Variants in RAD18 observed in about 807,000 individuals in gnomAD.
RAD18 encodes the protein E3 ubiquitin-protein ligase RAD18.
A neutral mutation model predicts 60.4 loss-of-function variants in RAD18; 47 were observed. The observed-to-expected ratio is 0.78, with a 90% CI of 0.62 to 0.99. RAD18 has a LOEUF of 0.99. Ranked by LOEUF, RAD18 falls within the 50% of genes least tolerant of loss-of-function variation. The pLI, the probability that RAD18 is intolerant of heterozygous loss-of-function variation, is 0.00. For missense variants in RAD18, 640 were observed against 593.3 expected, an observed-to-expected ratio of 1.08 and a Z score of -0.82; for synonymous variants, 225 against 195.5, an observed-to-expected ratio of 1.15 and a Z score of -1.26.
intron 11 of RAD18, among the ~76,000 whole-genome samples, chr3:8,895,704 A>G (rs1939771748): frequency 6.6e-6 from 1 of 152,230 alleles, no homozygotes; most frequent in South Asian, 2.1e-4. Context: ...AAATGACATA[A>G]AAGATGTATA....
chr3:8,911,407 T>C (rs1383970088), intron 9 of RAD18, among the ~76,000 whole-genome samples: 1 of 152,236 alleles, frequency 6.6e-6, no homozygotes, highest in Non-Finnish European at 1.5e-5. Context: ...CATTTGATAT[T>C]CTCTTTTGTT....
chr3:8,896,842 G>A (rs1024679090), intron 11 of RAD18, among the ~76,000 whole-genome samples: 7 of 152,108 alleles, frequency 4.6e-5, no homozygotes, highest in Admixed American at 1.3e-4. Context: ...GAAGAAAAGG[G>A]TTAGGAAACA....
intron 12 of RAD18, among the ~76,000 whole-genome samples, chr3:8,887,851 G>A (rs546544541): frequency 1.3e-5 from 2 of 152,260 alleles, no homozygotes; most frequent in East Asian, 1.9e-4. Context: ...CATAAGGAGA[G>A]GCTGGTCAAT....
rs1294786364 is a variant in RAD18 at position 8,877,238 on chromosome 3, G to C, written c.*4119C>G. Reference sequence around the variant, plus strand: ...TTATTTCTCACAGGTATGGAGGCTGGTAAGTCCAAGATCAAGGCACTGGCA... The same window carrying C: ...TTATTTCTCACAGGTATGGAGGCTGCTAAGTCCAAGATCAAGGCACTGGCA... On this transcript the variant is annotated 3_prime_UTR_variant, in exon 13 of 13. Transcript: ENST00000264926. 6.5e-6 allele frequency: 1 copy of C among 154,204 alleles called. No individual in the cohort carries two copies. Among genetic ancestry groups the C allele is most frequent in the Non-Finnish European group, 1.4e-5 (1 of 69,126 alleles). 9.6% of individuals were successfully genotyped at this position (154,204 alleles called of 1,614,324 possible).
rs753512385 is a variant in RAD18 at position 8,898,882 on chromosome 3, C to T, written c.1322+12G>A. On this transcript the variant is annotated intron_variant, in intron 11 of 12. Coordinates refer to ENST00000264926, the MANE Select transcript of RAD18 (RefSeq NM_020165.4). ...AGATATTTAAAATAATCAACTACTG[C>T]ATGTTTCTTACCTATTGCATGAATC... The T allele has an allele frequency of 1.9e-6, 3 of 1,545,140 alleles. No homozygotes were observed. The highest frequency in any genetic ancestry group is 2.6e-6 in the Non-Finnish European group (3 of 1,138,620).
intron 7 of RAD18, among the ~76,000 whole-genome samples, chr3:8,920,157 T>C (rs1046201571): frequency 2.6e-5 from 4 of 151,646 alleles, no homozygotes; most frequent in Admixed American, 2.6e-4. Flanking sequence ...CATGCGCCTG[T>C]AGTCCCAGCT....
At chr3:8,924,140 C>A (rs201783534) in intron 7 of RAD18, among the ~76,000 whole-genome samples, 18,132 of 152,114 alleles carry the variant, frequency 0.12, 1,221 homozygotes, top group East Asian at 0.23. Flanking sequence ...AGTCAAGACC[C>A]ATCAGTGTGC....
chr3:8,936,019 T>A lies in RAD18; in HGVS notation c.741A>T (p.Val247=). 1 of 1,607,754 alleles carries A rather than the reference T, an allele frequency of 6.2e-7. No individual in the cohort carries two copies. The highest frequency in any genetic ancestry group is 1.3e-5 in the African/African-American group (1 of 74,556). The change falls in exon 7 of 13, where the codon GTA becomes GTT. Residue 247 remains valine, a synonymous_variant. Coordinates refer to ENST00000264926, the MANE Select transcript of RAD18 (RefSeq NM_020165.4). ...VHKRKPLPKT[V]YNLLSDRDLK... is the part of the protein sequence containing the mutation. ...AATCACGATCAGAGAGCAAATTATA[T>A]ACAGTTTTGGGCAGCGGCTTCCTTT...
At chr3:8,925,766 T>A (rs1940422157) in intron 7 of RAD18, among the ~76,000 whole-genome samples, 2 of 152,098 alleles carry the variant, frequency 1.3e-5, no homozygotes, top group Admixed American at 1.3e-4. Context: ...CATATGCAAA[T>A]CAATAAATGT....
chr3:8,883,746 A>T (rs866330359), intron 12 of RAD18, among the ~76,000 whole-genome samples: 8 of 152,252 alleles, frequency 5.3e-5, no homozygotes, highest in Middle Eastern at 3.4e-3. Context: ...GGAATATTTT[A>T]TAGCTGTTCA....
intron 7 of RAD18, 119 bp downstream of exon 7, chr3:8,935,752 A>C (rs769111198): frequency 1.1e-5 from 11 of 956,532 alleles, no homozygotes; most frequent in Non-Finnish European, 1.6e-5. Context: ...ACACATTTGC[A>C]CGTCTTATCT....
chr3:8,901,649 G>A (rs1939915021), intron 10 of RAD18, among the ~76,000 whole-genome samples: 3 of 152,294 alleles, frequency 2.0e-5, no homozygotes, highest in Admixed American at 6.5e-5. Context: ...ATGAGGCAGA[G>A]GGGACGGAAG....
At chr3:8,958,826 A>G in intron 2 of RAD18, 94 bp downstream of exon 2, 1 of 978,546 alleles carries the variant, frequency 1.0e-6, no homozygotes, top group Non-Finnish European at 1.6e-6. Context: ...CTAAAGGTGA[A>G]ACATAAATAT....
At chr3:8,957,018 C>T (rs1326716657) in intron 2 of RAD18, among the ~76,000 whole-genome samples, 1 of 152,108 alleles carries the variant, frequency 6.6e-6, no homozygotes, top group Non-Finnish European at 1.5e-5. Context: ...CTGTCTTTAT[C>T]CACAAATGAC....
At position 8,935,134 on chromosome 3, in the gene RAD18, C is replaced by T. The variant is rs566119343; in HGVS notation, c.889+737G>A. 5.7e-4 allele frequency among the ~76,000 whole-genome samples: 87 copies of T among 152,280 alleles called. No individual in the cohort carries two copies. In the South Asian group the frequency reaches 6.6e-3, roughly 12 times the overall value. Reference sequence around the variant, plus strand: ...CAGTACTGGCTACAATGACATTTCACTTTATGAAATTTAGTTTGTGATAAT... The same window carrying T: ...CAGTACTGGCTACAATGACATTTCATTTTATGAAATTTAGTTTGTGATAAT... On this transcript the variant is annotated intron_variant, in intron 7 of 12. Coordinates refer to ENST00000264926, the MANE Select transcript of RAD18 (RefSeq NM_020165.4).
intron 12 of RAD18, among the ~76,000 whole-genome samples, chr3:8,886,541 TGACA>T (rs764550446): frequency 2.0e-5 from 3 of 152,220 alleles, no homozygotes; most frequent in African/African-American, 7.2e-5. Flanking sequence ...ACTGACTGAC[TGACA>T]GACAGACACA....
intron 7 of RAD18, among the ~76,000 whole-genome samples, chr3:8,917,809 C>T (rs1940233688): frequency 6.6e-6 from 1 of 151,960 alleles, no homozygotes; most frequent in Admixed American, 6.6e-5. Context: ...GGTTTTAAAA[C>T]ACCAATTAAG....
rs1939456998 is a variant in RAD18, at chr3:8,881,253, A to G, written c.*104T>C. On this transcript the variant is annotated 3_prime_UTR_variant, in exon 13 of 13. Transcript: ENST00000264926. ...ATATCAGCTAACCGTAATATTTAGAATTTAGCATCTTTCCTTGGGCATTTA... is the reference window on the plus strand; with the variant it reads ...ATATCAGCTAACCGTAATATTTAGAGTTTAGCATCTTTCCTTGGGCATTTA... 13 of 916,288 alleles carry G rather than the reference A, an allele frequency of 1.4e-5. No homozygotes were observed. The East Asian group carries it at 2.8e-4, about 20-fold the overall frequency. The allele number at this position is 916,288 out of a possible 1,614,324, so 56.8% of individuals were successfully genotyped here.
chr3:8,935,870 C>T lies in RAD18; in HGVS notation c.889+1G>A. 1 of 1,563,802 alleles carries T rather than the reference C, an allele frequency of 6.4e-7. No homozygotes were observed. The highest frequency in any genetic ancestry group is 8.6e-7 in the Non-Finnish European group (1 of 1,158,606). On this transcript the variant is annotated splice_donor_variant, in intron 7 of 12. Transcript: ENST00000264926. LOFTEE classifies it high-confidence loss of function. ...CATAACTCACTGTTTTATTACTTTA[C>T]CTGATTTAGGATGCAAAGCATCGCA... is the stretch of plus-strand genomic sequence containing the variant.
Sources: allele counts gnomAD v4.1 joint callset (sites outside exome capture counted in the v4.1 genomes callset), GRCh38; gene constraint gnomAD v4.1.1; transcripts MANE v1.5; gene names NCBI Gene and HGNC (gene_info 2026-07-23, HGNC 2026-07-21).